The following ARHGEF17 variants were observed in gnomAD, a reference collection of about 807,000 sequenced individuals.
ARHGEF17 encodes 164 kDa Rho-specific guanine-nucleotide exchange factor.
Under a neutral mutation model 174.0 loss-of-function variants are expected in ARHGEF17, and 80 were observed. The ratio of observed to expected loss-of-function variants is 0.46; its 90% CI spans 0.38 to 0.55. The LOEUF is 0.55. Ranked by LOEUF, ARHGEF17 falls within the 20% of genes least tolerant of loss-of-function variation. The probability of loss-of-function intolerance (pLI) is 0.00; values close to 1 mark genes in which losing one functional copy is unlikely to be tolerated. For synonymous variants in ARHGEF17, 1,311 were observed against 1,189.1 expected, an observed-to-expected ratio of 1.10 and a Z score of -2.11; for missense variants, 2,886 against 2,839.7, an observed-to-expected ratio of 1.02 and a Z score of -0.37.
chr11:73,328,421 G>A (rs1865138506), intron 1 of ARHGEF17, among the ~76,000 whole-genome samples: 1 of 152,206 alleles, frequency 6.6e-6, no homozygotes, highest in African/African-American at 2.4e-5. Flanking sequence ...CCAGAGAGGG[G>A]CAGGGTTGCC....
Position 73,367,774 on chromosome 11 carries a change from G to A in ARHGEF17, c.6186G>A (p.Arg2062=). Residue 2062 remains arginine, a synonymous_variant, in exon 21 of 21, where the codon AGG becomes AGA. Coordinates refer to ENST00000263674, the MANE Select transcript of ARHGEF17 (RefSeq NM_014786.4). The stretch of plus-strand genomic sequence containing the variant: ...GCACAAACCACCTCCTCCTGTGGAG[G>A]GTGTGACCCTGTCTGCCGTGGCCCA... The part of the protein sequence containing the change: ...DDSTNHLLLW[R]V 5 of 1,607,742 alleles carry A rather than the reference G, an allele frequency of 3.1e-6. No individual in the cohort carries two copies. Among genetic ancestry groups the A allele is most frequent in the Non-Finnish European group, 4.3e-6 (5 of 1,175,170 alleles).
chr11:73,344,768 C>T (rs776703285), intron 1 of ARHGEF17, among the ~76,000 whole-genome samples: 12 of 152,214 alleles, frequency 7.9e-5, no homozygotes, highest in Non-Finnish European at 1.0e-4. Context: ...TAGGTGACAC[C>T]ACAGTCACAC....
chr11:73,360,897 C>T (rs749038124), intron 11 of ARHGEF17, among the ~76,000 whole-genome samples, 191 bp from the exon 12 acceptor site: 2 of 152,180 alleles, frequency 1.3e-5, no homozygotes, highest in Non-Finnish European at 2.9e-5. Flanking sequence ...TGGGTCTAAC[C>T]CCAAGACAAT....
At position 73,310,239 on chromosome 11, in the gene ARHGEF17, T is replaced by G. The variant is rs972797774; in HGVS notation, c.1601T>G (p.Leu534Arg). ...GCATCACCTGGCACGCGCCCCACAC[T>G]CAAGGACTTGACAGCCACTCTGCGG... ...APASPGTRPT[L>R]KDLTATLRRA... The change falls in exon 1 of 21, where the codon CTC becomes CGC. Residue 534 changes from leucine (L) to arginine (R), a missense_variant. Leu to Arg is a moderately radical substitution (Grantham distance 102). Around this residue, in one of 4 missense-constraint regions of ARHGEF17, gnomAD observed 1,728 missense variants for 1,461.2 expected, o/e 1.18. Coordinates refer to ENST00000263674, the MANE Select transcript of ARHGEF17 (RefSeq NM_014786.4). 1.9e-6 allele frequency: 3 copies of G among 1,613,814 alleles called. No individual in the cohort carries two copies. The highest frequency in any genetic ancestry group is 1.7e-6 in the Non-Finnish European group (2 of 1,180,012).
rs530530312 is a variant in ARHGEF17 at position 73,360,715 on chromosome 11, T to C, written c.4420+182T>C. Among the ~76,000 whole-genome samples the C allele has an allele frequency of 1.9e-4, 29 of 152,274 alleles. No individual in the cohort carries two copies. In the East Asian group the frequency reaches 5.2e-3, roughly 27 times the overall value. On this transcript the variant is annotated intron_variant, in intron 11 of 20. Coordinates refer to ENST00000263674, the MANE Select transcript of ARHGEF17 (RefSeq NM_014786.4). ...GACTGAATAATAGCTGTGGCCTCCC[T>C]GGCAGGGAGGGGATTCCATGGATAG...
In ARHGEF17 at chr11:73,309,605, G is replaced by C. The variant is rs766975112; in HGVS notation, c.967G>C (p.Val323Leu). The change falls in exon 1 of 21, where the codon GTT becomes CTT. Residue 323 changes from valine to leucine, a missense_variant. Transcript: ENST00000263674. ...TCTAAGCAGCATGAACTCAGCAGGG[G>C]TTTCTGGGAGCCCTGAGCCCCCAAC... ...LNLSSMNSAG[V>L]SGSPEPPTSP... 1.9e-6 allele frequency: 3 copies of C among 1,612,914 alleles called. No homozygotes were observed. In the African/African-American group the frequency reaches 4.0e-5, roughly 22 times the overall value.
Position 73,365,737 on chromosome 11 carries a change from G to A in ARHGEF17, c.5785G>A (p.Val1929Met). Residue 1929 changes from valine to methionine, a missense_variant, in exon 20 of 21, where the codon GTG becomes ATG. Physicochemically the swap from Val to Met is conservative, Grantham distance 21 (BLOSUM62 1). Coordinates refer to ENST00000263674, the MANE Select transcript of ARHGEF17 (RefSeq NM_014786.4). This position sits in a 1 kb window ranked among gnomAD's most constrained non-coding sequence, Gnocchi z 4.9. ...CTGTCTGCGAATCACAGCGCTGCTG[G>A]TGTGTGAGGAGCTGCTGTGGGTGGG... Reference protein sequence around the residue: ...AACLRITALLVCEELLWVGTS... With the variant: ...AACLRITALLMCEELLWVGTS... 2.5e-6 allele frequency: 4 copies of A among 1,613,734 alleles called. No homozygotes were observed. Among genetic ancestry groups the A allele is most frequent in the Non-Finnish European group, 1.7e-6 (2 of 1,180,040 alleles).
At chr11:73,325,550 ACTCT>A (rs144524505) in intron 1 of ARHGEF17, among the ~76,000 whole-genome samples, 21 of 149,642 alleles carry the variant, frequency 1.4e-4, no homozygotes, top group African/African-American at 4.2e-4. Flanking sequence ...GTACACACAC[ACTCT>A]CTCTCTCTCT....
chr11:73,362,301 G>GCA lies in ARHGEF17; in HGVS notation c.4694+66_4694+67dup, dbSNP rs570157528. Reference sequence around the variant, plus strand: ...CCTGGGAGAACCAACCCCTGTCCCAGCACACTCTCAGGCCGCCCCGGCGTG... The same window carrying GCA: ...CCTGGGAGAACCAACCCCTGTCCCAGCACACACTCTCAGGCCGCCCCGGCGTG... On this transcript the variant is annotated intron_variant, in intron 13 of 20. Transcript: ENST00000263674. 1.4e-4 allele frequency: 203 copies of GCA among 1,458,294 alleles called. No homozygotes were observed. The African/African-American group carries it at 2.6e-3, about 18-fold the overall frequency. 90.3% of individuals were successfully genotyped at this position (1,458,294 alleles called of 1,614,324 possible).
At chr11:73,324,686 C>T (rs1381463144) in intron 1 of ARHGEF17, among the ~76,000 whole-genome samples, 1 of 152,208 alleles carries the variant, frequency 6.6e-6, no homozygotes, top group Non-Finnish European at 1.5e-5. Context: ...CGTGCTTAGG[C>T]CCCTGGCTTT....
chr11:73,334,842 G>A lies in ARHGEF17; in HGVS notation c.3193-12041G>A, dbSNP rs567339153. On this transcript the variant is annotated intron_variant, in intron 1 of 20. Coordinates refer to ENST00000263674, the MANE Select transcript of ARHGEF17 (RefSeq NM_014786.4). ...GATAACTTCCGTTCCCACGATCCCA[G>A]CCCCCCTGCAGGCTGGGGAACTGGG... 7.2e-5 allele frequency among the ~76,000 whole-genome samples: 11 copies of A among 152,236 alleles called. No individual in the cohort carries two copies. In the East Asian group the frequency reaches 2.1e-3, roughly 29 times the overall value.
rs984481720 is a variant in ARHGEF17, at chr11:73,368,009, G to A, written c.*229G>A. The A allele has an allele frequency of 1.6e-5, 8 of 503,830 alleles. No individual in the cohort carries two copies. The highest frequency in any genetic ancestry group is 3.4e-5 in the Admixed American group (1 of 29,380). The allele number at this position is 503,830 out of a possible 1,614,324, so 31.2% of individuals were successfully genotyped here. A position where few individuals can be genotyped will look rare whatever the true frequency, so the allele number is the denominator to read the frequency against. On this transcript the variant is annotated 3_prime_UTR_variant, in exon 21 of 21. Coordinates refer to ENST00000263674, the MANE Select transcript of ARHGEF17 (RefSeq NM_014786.4). ...TGCCCCGGTGCTTCCAGTCATGATC[G>A]GGTGGGGGACATGTGGGCTGACCAG...
chr11:73,337,630 G>C (rs973531253), intron 1 of ARHGEF17, among the ~76,000 whole-genome samples: 2 of 152,044 alleles, frequency 1.3e-5, no homozygotes, highest in African/African-American at 4.8e-5. Flanking sequence ...GTGTTGCCCA[G>C]GCTGGTCTCG....
chr11:73,367,706 A>C lies in ARHGEF17; in HGVS notation c.6118A>C (p.Ser2040Arg). ...GDGYEDFRLS[S>R]GGGSSSETVG... ...TGGCTATGAGGACTTCCGACTCAGC[A>C]GTGGGGGCGGCAGCAGCAGTGAGAC... The change falls in exon 21 of 21, where the codon AGT becomes CGT. Residue 2040 changes from serine to arginine, a missense_variant. This residue lies in a region of ARHGEF17 where 329 missense variants were observed against 435.2 expected (regional missense o/e 0.76). Transcript: ENST00000263674. 1 of 1,614,102 alleles carries C rather than the reference A, an allele frequency of 6.2e-7. No individual in the cohort carries two copies. The highest frequency in any genetic ancestry group is 8.5e-7 in the Non-Finnish European group (1 of 1,180,010).
At chr11:73,347,824 C>A (rs551328028) in intron 2 of ARHGEF17, among the ~76,000 whole-genome samples, 1 of 152,116 alleles carries the variant, frequency 6.6e-6, no homozygotes, top group Non-Finnish European at 1.5e-5. Flanking sequence ...CCATTGAGAT[C>A]CGGCAAGGAT....
chr11:73,320,209 A>G (rs1864993566), intron 1 of ARHGEF17, among the ~76,000 whole-genome samples: 1 of 152,072 alleles, frequency 6.6e-6, no homozygotes, highest in African/African-American at 2.4e-5. Context: ...TGTGGAGGGT[A>G]AAGGGTGCTG....
intron 2 of ARHGEF17, chr11:73,347,166 G>A: frequency 2.9e-6 from 2 of 681,960 alleles, no homozygotes; most frequent in South Asian, 1.5e-5. Context: ...GAATGCAGAG[G>A]GGCCAGGCCA....
intron 1 of ARHGEF17, among the ~76,000 whole-genome samples, chr11:73,346,104 G>A (rs1456367505): frequency 6.6e-6 from 1 of 152,062 alleles, no homozygotes; most frequent in East Asian, 1.9e-4. Context: ...ACCCCTTGGG[G>A]ACTCAGTAAT....
At chr11:73,356,794 C>T in intron 7 of ARHGEF17, 35 bp downstream of exon 7, 1 of 1,613,816 alleles carries the variant, frequency 6.2e-7, no homozygotes, top group South Asian at 1.1e-5. Flanking sequence ...CGGCTGTCCC[C>T]ACCTCCTCAC....
Sources: allele counts gnomAD v4.1 joint callset (sites outside exome capture counted in the v4.1 genomes callset), GRCh38; gene constraint gnomAD v4.1.1; regional missense constraint gnomAD v4.1.1; non-coding constraint Gnocchi (gnomAD v3.1); transcripts MANE v1.5; gene names NCBI Gene and HGNC (gene_info 2026-07-23, HGNC 2026-07-21).